ZNF248: variants seen among roughly 807,000 people sequenced by gnomAD.
The protein encoded by ZNF248 is zinc finger protein 248, also known as KRAB protein domain.
A neutral mutation model predicts 44.3 loss-of-function variants in ZNF248; 20 were observed. The observed-to-expected ratio is 0.45, with a 90% confidence interval of 0.32 to 0.66. ZNF248 has a LOEUF of 0.66. Ranked by LOEUF, ZNF248 falls within the 30% of genes least tolerant of loss-of-function variation. The pLI is 0.04. For missense variants in ZNF248, 654 were observed against 677.0 expected (o/e 0.97, Z 0.38); for synonymous variants, 224 against 229.0 (o/e 0.98, Z 0.20).
the ZNF248 span, among the ~76,000 whole-genome samples, chr10:37,770,863 A>T: frequency 6.6e-6 from 1 of 152,216 alleles, no homozygotes; most frequent in East Asian, 1.9e-4. Context: ...AAATTTTTCA[A>T]CCTACTCATC....
At chr10:37,854,553 A>T (rs1384168379) in intron 3 of ZNF248, among the ~76,000 whole-genome samples, 2 of 152,218 alleles carry the variant, frequency 1.3e-5, no homozygotes, top group Non-Finnish European at 2.9e-5. Context: ...GTTGCCCCAA[A>T]TCCAAAAGTT....
At position 37,855,551 on chromosome 10, in the gene ZNF248, C is replaced by G. The variant is rs184390050; in HGVS notation, c.15+745G>C. Among the ~76,000 whole-genome samples, 81 of 152,192 alleles carry G rather than the reference C, an allele frequency of 5.3e-4. No homozygotes were observed. In the Middle Eastern group the frequency reaches 0.034, roughly 64 times the overall value. On this transcript the variant is annotated intron_variant, in intron 3 of 5. Coordinates refer to ENST00000395867, the MANE Select transcript of ZNF248 (RefSeq NM_021045.3). ...CTGGAGCAAAAAGAAAAGATGCCTT[C>G]ATGAGGACTAGGGAGGGAATCAAAG... is the stretch of plus-strand genomic sequence containing the variant.
downstream of ZNF248, among the ~76,000 whole-genome samples, chr10:37,774,689 G>A (rs1276309074): frequency 1.3e-5 from 2 of 152,170 alleles, no homozygotes; most frequent in Admixed American, 6.5e-5. Context: ...GACTGAGGGT[G>A]TCAACTACAT....
At chr10:37,763,149 T>G in the ZNF248 span, among the ~76,000 whole-genome samples, 5 of 152,060 alleles carry the variant, frequency 3.3e-5, no homozygotes, top group Admixed American at 2.0e-4. Context: ...AAGAGTATAT[T>G]TGGAAGAAGG....
chr10:37,818,202 C>T (rs1165628416), intron 6 of ZNF248, among the ~76,000 whole-genome samples: 1 of 152,214 alleles, frequency 6.6e-6, no homozygotes, highest in South Asian at 2.1e-4. Flanking sequence ...AGGCATGAGC[C>T]ACTGTGCCCG....
downstream of ZNF248, among the ~76,000 whole-genome samples, chr10:37,774,699 T>C (rs2046444049): frequency 6.6e-6 from 1 of 152,200 alleles, no homozygotes; most frequent in African/African-American, 2.4e-5. Flanking sequence ...GTCAACTACA[T>C]CACTTTCATG....
the ZNF248 span, among the ~76,000 whole-genome samples, chr10:37,762,659 G>A: frequency 6.6e-6 from 1 of 152,158 alleles, no homozygotes; most frequent in Admixed American, 6.5e-5. Flanking sequence ...GCCAACTCCT[G>A]TACTATACCA....
intron 3 of ZNF248, among the ~76,000 whole-genome samples, chr10:37,838,443 T>C (rs1032002318): frequency 8.5e-5 from 13 of 152,356 alleles, no homozygotes; most frequent in South Asian, 4.1e-4. Flanking sequence ...AGATTGAAGT[T>C]ACAGAGGAAA....
intron 3 of ZNF248, among the ~76,000 whole-genome samples, chr10:37,851,768 C>CA (rs57501241): frequency 0.11 from 3,615 of 32,024 alleles, 825 homozygotes; most frequent in African/African-American, 0.13. Context: ...TCAGAATGAC[C>CA]AAAAAAAAAA....
intron 6 of ZNF248, among the ~76,000 whole-genome samples, chr10:37,780,482 G>T (rs1022755521): frequency 6.6e-6 from 1 of 151,522 alleles, no homozygotes; most frequent in Non-Finnish European, 1.5e-5. Context: ...GCTGAAACTG[G>T]ATCCCTTCCT....
rs990957835 is a variant in ZNF248, at chr10:37,830,566, A to C, written c.*1049T>G. The C allele has an allele frequency of 1.0e-6, 1 of 985,298 alleles. No individual in the cohort carries two copies. Among genetic ancestry groups the C allele is most frequent in the Admixed American group, 6.2e-5 (1 of 16,248 alleles). The allele number at this position is 985,298 out of a possible 1,614,324, so 61.0% of individuals were successfully genotyped here. On this transcript the variant is annotated 3_prime_UTR_variant, in exon 6 of 6. Coordinates refer to ENST00000395867, the MANE Select transcript of ZNF248 (RefSeq NM_021045.3). ...GCCATTTATTTATGTCAGGAAATAG[A>C]AGGGGTATGTGGTTTGTATTGCCAA... is the stretch of plus-strand genomic sequence containing the variant.
At chr10:37,784,782 G>A (rs946056556) in intron 6 of ZNF248, among the ~76,000 whole-genome samples, 2 of 152,128 alleles carry the variant, frequency 1.3e-5, no homozygotes, top group Admixed American at 6.6e-5. Context: ...AATGGAACCC[G>A]GTGAGGAGAA....
the ZNF248 span, among the ~76,000 whole-genome samples, chr10:37,765,268 C>G: frequency 6.6e-6 from 1 of 152,100 alleles, no homozygotes; most frequent in Admixed American, 6.5e-5. Flanking sequence ...AGTTTGAGCT[C>G]TAATGATATA....
intron 6 of ZNF248, among the ~76,000 whole-genome samples, chr10:37,780,770 C>G (rs906911231): frequency 1.3e-5 from 2 of 152,162 alleles, no homozygotes; most frequent in African/African-American, 4.8e-5. Flanking sequence ...ACCCCGCCCC[C>G]GCTCCCACTG....
rs780748787 is a variant in ZNF248 at position 37,787,373 on chromosome 10, A to AT, written c.331-10799dup. On this transcript the variant is annotated intron_variant, in intron 6 of 6. Transcript: ENST00000615949. Reference sequence around the variant, plus strand: ...AAAATCAAGACAGTGTGGCACTGGCATAAGTACGAACACATAGATAATGGA... The same window carrying AT: ...AAAATCAAGACAGTGTGGCACTGGCATTAAGTACGAACACATAGATAATGGA... Among the ~76,000 whole-genome samples, 14 of 152,310 alleles carry AT rather than the reference A, an allele frequency of 9.2e-5. No individual in the cohort carries two copies. In the East Asian group the frequency reaches 2.1e-3, roughly 23 times the overall value.
intron 3 of ZNF248, among the ~76,000 whole-genome samples, chr10:37,839,528 T>C (rs568022215): frequency 1.1e-4 from 16 of 149,330 alleles, no homozygotes; most frequent in South Asian, 8.5e-4. Flanking sequence ...CACACACACA[T>C]GCACACACAC....
At chr10:37,774,399 C>T (rs1237395165), downstream of ZNF248, among the ~76,000 whole-genome samples, 2 of 152,146 alleles carry the variant, frequency 1.3e-5, no homozygotes, top group Non-Finnish European at 2.9e-5. Flanking sequence ...TTTAAAAGCG[C>T]TAAATTCACC....
intron 6 of ZNF248, chr10:37,795,473 C>A (rs1027297545): frequency 4.6e-5 from 7 of 152,098 alleles, no homozygotes; most frequent in Admixed American, 4.6e-4. Flanking sequence ...TCATTAAATT[C>A]AAAAAGCGTT....
At chr10:37,777,638 A>C (rs1588953352) in intron 6 of ZNF248, among the ~76,000 whole-genome samples, 1 of 143,754 alleles carries the variant, frequency 7.0e-6, no homozygotes, top group Admixed American at 6.9e-5. Context: ...GCACCCACCA[A>C]CTCGTCATCT....
Sources: allele counts gnomAD v4.1 joint callset (sites outside exome capture counted in the v4.1 genomes callset), GRCh38; gene constraint gnomAD v4.1.1; transcripts MANE v1.5; gene names NCBI Gene and HGNC (gene_info 2026-07-23, HGNC 2026-07-21).